FAM135A: variants seen among roughly 807,000 people sequenced by gnomAD.
FAM135A encodes protein FAM135A.
FAM135A carries 79 observed loss-of-function variants against 146.8 expected under a neutral mutation model. The observed-to-expected ratio is 0.54, with a 90% CI of 0.45 to 0.65. FAM135A has a LOEUF of 0.65. FAM135A is among the 30% of genes least tolerant of loss of function. The pLI is 0.00. For synonymous variants in FAM135A, 562 were observed against 603.6 expected (o/e 0.93, Z 1.01); for missense variants, 1,623 against 1,758.2 (o/e 0.92, Z 1.38).
Position 70,526,337 on chromosome 6 carries a change from G to T in FAM135A, c.3253G>T (p.Asp1085Tyr), listed in dbSNP as rs770445116. 6.2e-7 allele frequency: 1 copy of T among 1,613,470 alleles called. No homozygotes were observed. Among genetic ancestry groups the T allele is most frequent in the Non-Finnish European group, 8.5e-7 (1 of 1,179,672 alleles). ...SNLQQEQDKE[D>Y]EEEEQDQQMV... Reference sequence around the variant, plus strand: ...TCTTCAGCAGGAACAGGATAAAGAGGATGAGGAGGAAGAGCAGGATCAACA... The same window carrying T: ...TCTTCAGCAGGAACAGGATAAAGAGTATGAGGAGGAAGAGCAGGATCAACA... Residue 1085 changes from aspartate to tyrosine, a missense_variant, in exon 15 of 22, where the codon GAT becomes TAT. Asp to Tyr is a radical substitution (Grantham distance 160). Around this residue, in one of 7 missense-constraint regions of FAM135A, gnomAD observed 1,061 missense variants for 1,113.8 expected, o/e 0.95. Transcript: ENST00000418814.
chr6:70,432,262 G>C (rs903819095), intron 4 of FAM135A, among the ~76,000 whole-genome samples: 3 of 152,008 alleles, frequency 2.0e-5, no homozygotes, highest in Non-Finnish European at 4.4e-5. Flanking sequence ...ATCTCTACCT[G>C]CTGCACTTCT....
chr6:70,526,720 T>C, intron 15 of FAM135A, 22 bp downstream of exon 15: 9 of 1,540,962 alleles, frequency 5.8e-6, no homozygotes, highest in Non-Finnish European at 7.9e-6. Context: ...AACGTAATAG[T>C]ACCTGCTGCT....
At chr6:70,443,282 A>C (rs533878337) in intron 4 of FAM135A, among the ~76,000 whole-genome samples, 2 of 152,342 alleles carry the variant, frequency 1.3e-5, no homozygotes, top group African/African-American at 4.8e-5. Context: ...ATTATAATGG[A>C]GCTGGAAAAT....
At chr6:70,491,225 A>G (rs1582508844) in intron 11 of FAM135A, 142 bp downstream of exon 11, 1 of 632,908 alleles carries the variant, frequency 1.6e-6, no homozygotes, top group East Asian at 3.2e-5. Context: ...GTAGAACCAC[A>G]ACTTAGGTGG....
At chr6:70,481,646 A>AT (rs1202411980) in intron 9 of FAM135A, among the ~76,000 whole-genome samples, 5 of 143,710 alleles carry the variant, frequency 3.5e-5, no homozygotes, top group South Asian at 4.3e-4. Context: ...AAAAAAGAAA[A>AT]TTAAAAAAAA....
chr6:70,550,449 TCTC>T (rs1799616656), intron 20 of FAM135A, among the ~76,000 whole-genome samples: 2 of 152,324 alleles, frequency 1.3e-5, no homozygotes, highest in East Asian at 3.9e-4. Flanking sequence ...ACATCATTAA[TCTC>T]CTTGTATATC....
intron 11 of FAM135A, among the ~76,000 whole-genome samples, chr6:70,499,038 G>A (rs1337539389): frequency 1.3e-5 from 2 of 152,014 alleles, no homozygotes; most frequent in Non-Finnish European, 2.9e-5. Context: ...CTTGTTAATT[G>A]CCTGTCTCAT....
chr6:70,450,716 GTTTTTTTTTTTTTTTTTTTTTTTT>G (rs546674936), intron 4 of FAM135A, among the ~76,000 whole-genome samples: 58 of 28,348 alleles, frequency 2.0e-3, no homozygotes, highest in Middle Eastern at 0.083. Flanking sequence ...CCTTTTAGTT[GTTTTTTTTTTTTTTTTTTTTTTTT>G]TTTTTTTTTT....
chr6:70,439,318 A>T (rs577827460), intron 4 of FAM135A, among the ~76,000 whole-genome samples: 1 of 152,176 alleles, frequency 6.6e-6, no homozygotes, highest in East Asian at 1.9e-4. Flanking sequence ...AGGGGAGACT[A>T]TTGTATTTAG....
At position 70,525,124 on chromosome 6, in the gene FAM135A, A is replaced by G. The variant is rs753493540; in HGVS notation, c.2040A>G (p.Thr680=). 6.4e-7 allele frequency: 1 copy of G among 1,566,234 alleles called. No individual in the cohort carries two copies. The highest frequency in any genetic ancestry group is 8.6e-7 in the Non-Finnish European group (1 of 1,161,422). ...TAACTGTCAAACTAGGACCTTGGAC[A>G]GAGCTTCGACAAGAGGAAATACTTG... is the stretch of plus-strand genomic sequence containing the variant. ...ENITVKLGPW[T]ELRQEEILVD... Residue 680 remains threonine (T), a synonymous_variant, in exon 15 of 22, where the codon ACA becomes ACG. Coordinates refer to ENST00000418814, the MANE Select transcript of FAM135A (RefSeq NM_001162529.3).
intron 20 of FAM135A, among the ~76,000 whole-genome samples, chr6:70,545,051 CA>C (rs143283324): frequency 4.4e-5 from 6 of 137,490 alleles, no homozygotes; most frequent in Admixed American, 7.4e-5. Context: ...AACTCTGTCT[CA>C]AAAAAAAAAC....
At chr6:70,456,461 T>G (rs1778389622) in intron 5 of FAM135A, among the ~76,000 whole-genome samples, 1 of 152,192 alleles carries the variant, frequency 6.6e-6, no homozygotes, top group East Asian at 1.9e-4. Context: ...AATAATTACC[T>G]CAGAGGACTG....
At chr6:70,460,950 A>G (rs1779317250) in intron 5 of FAM135A, among the ~76,000 whole-genome samples, 1 of 150,854 alleles carries the variant, frequency 6.6e-6, no homozygotes, top group Non-Finnish European at 1.5e-5. Flanking sequence ...CAGCCTCCCG[A>G]GTAGCTGGGA....
chr6:70,510,318 T>A (rs1293482478), intron 12 of FAM135A, among the ~76,000 whole-genome samples: 1 of 152,074 alleles, frequency 6.6e-6, no homozygotes, highest in East Asian at 1.9e-4. Flanking sequence ...AATTAACCAT[T>A]AACAATTTTA....
At chr6:70,436,360 A>C (rs1005793169) in intron 4 of FAM135A, among the ~76,000 whole-genome samples, 12 of 152,184 alleles carry the variant, frequency 7.9e-5, no homozygotes, top group African/African-American at 2.7e-4. Flanking sequence ...TTGGTTTCTC[A>C]GTTTTAAGAA....
At chr6:70,478,908 A>T (rs980357265) in intron 8 of FAM135A, among the ~76,000 whole-genome samples, 17 of 152,126 alleles carry the variant, frequency 1.1e-4, no homozygotes, top group Admixed American at 1.0e-3. Context: ...TGTGAATGAA[A>T]CTTTTCTAAC....
chr6:70,453,566 C>A (rs1777602050), intron 5 of FAM135A, among the ~76,000 whole-genome samples: 1 of 149,710 alleles, frequency 6.7e-6, no homozygotes, highest in Non-Finnish European at 1.5e-5. Context: ...CCTCCCCCAT[C>A]CCCCCACCCC....
At chr6:70,447,785 C>T (rs775912843) in intron 4 of FAM135A, among the ~76,000 whole-genome samples, 7 of 152,180 alleles carry the variant, frequency 4.6e-5, no homozygotes, top group Non-Finnish European at 1.0e-4. Context: ...ATCTGGCAGC[C>T]TGACTCGCTG....
At chr6:70,450,784 A>G (rs1776910379) in intron 4 of FAM135A, among the ~76,000 whole-genome samples, 1 of 107,742 alleles carries the variant, frequency 9.3e-6, no homozygotes, top group Non-Finnish European at 1.7e-5. Context: ...TCTGTCTCTC[A>G]GGCTGTTAGT....
Sources: gnomAD v4.1 joint callset for allele counts (sites outside exome capture counted in the v4.1 genomes callset) on GRCh38, gnomAD v4.1.1 for gene constraint, gnomAD v4.1.1 regional missense constraint, MANE v1.5 for transcripts, NCBI Gene and HGNC (gene_info 2026-07-23, HGNC 2026-07-21) for gene names.